NSD1: variants seen among roughly 807,000 people sequenced by gnomAD.
NSD1 encodes the protein histone-lysine N-methyltransferase, H3 lysine-36 specific.
A neutral mutation model predicts 242.7 loss-of-function variants in NSD1; 26 were observed. That is an observed-to-expected ratio of 0.11 (90% confidence interval 0.08 to 0.15). NSD1 has a LOEUF of 0.15. Among genes scored for constraint, NSD1 ranks in the 10% least tolerant of loss-of-function variants. NSD1 has a pLI of 1.00. For synonymous variants in NSD1, 1,106 were observed against 1,178.1 expected (o/e 0.94, Z 1.25); for missense variants, 2,495 against 3,272.8 (o/e 0.76, Z 5.80).
At chr5:177,192,296 T>G (rs1477747313) in intron 3 of NSD1, among the ~76,000 whole-genome samples, 1 of 152,136 alleles carries the variant, frequency 6.6e-6, no homozygotes, top group Non-Finnish European at 1.5e-5. Flanking sequence ...CTGCAACCTC[T>G]GACTTGTGAG....
chr5:177,220,265 T>G (rs1014202538), intron 5 of NSD1, among the ~76,000 whole-genome samples: 1 of 152,208 alleles, frequency 6.6e-6, no homozygotes, highest in Non-Finnish European at 1.5e-5. Context: ...CCTGATGAAT[T>G]GACTGTTTTA....
intron 2 of NSD1, among the ~76,000 whole-genome samples, chr5:177,158,998 T>TTATATATATATATATGAATGAGATA (rs1554173192): frequency 5.7e-5 from 7 of 122,612 alleles, no homozygotes; most frequent in African/African-American, 2.7e-4. Flanking sequence ...ATGAATGATT[T>TTATATATATATATATGAATGAGATA]TATATATATA....
intron 2 of NSD1, among the ~76,000 whole-genome samples, chr5:177,158,431 C>T (rs957319691): frequency 1.3e-5 from 2 of 151,142 alleles, no homozygotes; most frequent in Admixed American, 6.6e-5. Flanking sequence ...CTCCGCCTCT[C>T]GGGTTCAAGC....
intron 4 of NSD1, among the ~76,000 whole-genome samples, chr5:177,207,425 G>GTA (rs1762967169): frequency 6.6e-6 from 1 of 151,240 alleles, no homozygotes; most frequent in Admixed American, 6.6e-5. Flanking sequence ...TGGGACTACA[G>GTA]GTGTCCGCCA....
At chr5:177,203,032 T>G (rs1562195673) in intron 3 of NSD1, among the ~76,000 whole-genome samples, 2 of 152,308 alleles carry the variant, frequency 1.3e-5, no homozygotes, top group African/African-American at 4.8e-5. Flanking sequence ...TTTTCATTTT[T>G]CATTTTGCAT....
At chr5:177,188,013 C>G (rs1388780879) in intron 2 of NSD1, among the ~76,000 whole-genome samples, 1 of 152,168 alleles carries the variant, frequency 6.6e-6, no homozygotes, top group East Asian at 1.9e-4. Flanking sequence ...CTGAAATCTG[C>G]CAGTCCTGCC....
chr5:177,298,792 G>C lies in NSD1; in HGVS notation c.*3333G>C, dbSNP rs933603619. The C allele has an allele frequency of 5.1e-5, 12 of 233,136 alleles. No homozygotes were observed. Among genetic ancestry groups the C allele is most frequent in the Admixed American group, 3.9e-4 (7 of 17,782 alleles). The allele number at this position is 233,136 out of a possible 1,614,324, so 14.4% of individuals were successfully genotyped here. ...ACAGAATGGCAGAAAGTTTAGTCCT[G>C]ACAGATTCCCCCATAGGGAGTAATG... On this transcript the variant is annotated 3_prime_UTR_variant, in exon 23 of 23. Coordinates refer to ENST00000439151, the MANE Select transcript of NSD1 (RefSeq NM_022455.5).
rs1483136818 is a variant in NSD1, at chr5:177,244,187, A to G, written c.4303-8A>G. 25 of 1,601,822 alleles carry G rather than the reference A, an allele frequency of 1.6e-5. No individual in the cohort carries two copies. The highest frequency in any genetic ancestry group is 1.8e-4 in the Middle Eastern group (1 of 5,690). On this transcript the variant is annotated splice_region_variant and splice_polypyrimidine_tract_variant and intron_variant, in intron 8 of 22. Transcript: ENST00000439151. ...TCTGTAAATGGTGTTGTTTTCACTT[A>G]TTTATAGTGCTATGAAGCTGGTCAC...
chr5:177,205,997 T>A (rs1326372296), intron 4 of NSD1, among the ~76,000 whole-genome samples: 2 of 151,786 alleles, frequency 1.3e-5, no homozygotes, highest in Non-Finnish European at 2.9e-5. Flanking sequence ...TAATTTTTAT[T>A]TATTATTATT....
chr5:177,298,208 T>C lies in NSD1; in HGVS notation c.*2749T>C, dbSNP rs1760373399. On this transcript the variant is annotated 3_prime_UTR_variant, in exon 23 of 23. Coordinates refer to ENST00000439151, the MANE Select transcript of NSD1 (RefSeq NM_022455.5). Reference sequence around the variant, plus strand: ...TAATAAGACCCCTTTTCCAAAGGGATGTGAATTGGAGTGAAAAGGAAATCT... The same window carrying C: ...TAATAAGACCCCTTTTCCAAAGGGACGTGAATTGGAGTGAAAAGGAAATCT... 1 of 232,984 alleles carries C rather than the reference T, an allele frequency of 4.3e-6. No homozygotes were observed. The highest frequency in any genetic ancestry group is 2.2e-5 in the African/African-American group (1 of 45,226). The allele number at this position is 232,984 out of a possible 1,614,324, so 14.4% of individuals were successfully genotyped here.
At chr5:177,201,996 G>A (rs979151651) in intron 3 of NSD1, among the ~76,000 whole-genome samples, 1 of 151,854 alleles carries the variant, frequency 6.6e-6, no homozygotes, top group East Asian at 1.9e-4. Context: ...AGGAAATCTC[G>A]TCTTTACTAA....
At chr5:177,277,376 A>G (rs1581518202) in intron 17 of NSD1, among the ~76,000 whole-genome samples, 2 of 152,196 alleles carry the variant, frequency 1.3e-5, no homozygotes, top group Admixed American at 1.3e-4. Flanking sequence ...CTTCATTTAC[A>G]TATTACATAT....
intron 2 of NSD1, among the ~76,000 whole-genome samples, chr5:177,175,844 G>A (rs965757230): frequency 3.3e-5 from 5 of 151,490 alleles, no homozygotes; most frequent in African/African-American, 4.9e-5. Flanking sequence ...AACAAAGCAT[G>A]TTTGTGATAT....
chr5:177,209,731 T>C lies in NSD1; in HGVS notation c.1332T>C (p.Pro444=). The C allele has an allele frequency of 6.2e-7, 1 of 1,614,082 alleles. No homozygotes were observed. Among genetic ancestry groups the C allele is most frequent in the East Asian group, 2.2e-5 (1 of 44,872 alleles). ...PKGSKNRKCI[P]GSIKLDSEED... is the part of the protein sequence containing the mutation. ...GGTCAAAGAACCGAAAATGTATTCCTGGTTCAATCAAGTTGGACAGTGAAG... is the reference window on the plus strand; with the variant it reads ...GGTCAAAGAACCGAAAATGTATTCCCGGTTCAATCAAGTTGGACAGTGAAG... Residue 444 remains proline, a synonymous_variant, in exon 5 of 23, where the codon CCT becomes CCC. Transcript: ENST00000439151.
At chr5:177,218,462 T>G (rs1330127301) in intron 5 of NSD1, among the ~76,000 whole-genome samples, 4 of 152,144 alleles carry the variant, frequency 2.6e-5, no homozygotes, top group South Asian at 2.1e-4. Context: ...GTAGTTTTTT[T>G]GGGGTCCTTT....
intron 5 of NSD1, among the ~76,000 whole-genome samples, chr5:177,233,889 T>G (rs1765249868): frequency 6.6e-6 from 1 of 152,164 alleles, no homozygotes; most frequent in Non-Finnish European, 1.5e-5. Context: ...ATCCCTAGAT[T>G]GATGAAGAGT....
At chr5:177,200,556 A>G (rs1304881816) in intron 3 of NSD1, among the ~76,000 whole-genome samples, 5 of 152,088 alleles carry the variant, frequency 3.3e-5, no homozygotes, top group African/African-American at 7.2e-5. Flanking sequence ...CTCTGTACCC[A>G]TTTACCAACA....
In NSD1 at chr5:177,296,997, C is replaced by G; in HGVS notation, c.*1538C>G. 1 of 233,290 alleles carries G rather than the reference C, an allele frequency of 4.3e-6. No homozygotes were observed. Among genetic ancestry groups the G allele is most frequent in the East Asian group, 6.0e-5 (1 of 16,594 alleles). The allele number at this position is 233,290 out of a possible 1,614,324, so 14.5% of individuals were successfully genotyped here. On this transcript the variant is annotated 3_prime_UTR_variant, in exon 23 of 23. Transcript: ENST00000439151. ...CTCTCAATAGGATTCTGTATTTGGT[C>G]CCAATTTCCTCAAGTTCTTATTGAG...
At position 177,295,110 on chromosome 5, in the gene NSD1, A is replaced by G. The variant is rs398124387; in HGVS notation, c.7742A>G (p.Lys2581Arg). ...SQSPGLVKQA[K>R]QMVGGQQLPA... ...TCCCCGGGCCTGGTGAAGCAGGCGAAGCAGATGGTCGGAGGCCAGCAACTA... is the reference window on the plus strand; with the variant it reads ...TCCCCGGGCCTGGTGAAGCAGGCGAGGCAGATGGTCGGAGGCCAGCAACTA... Residue 2581 changes from lysine to arginine, a missense_variant, in exon 23 of 23, where the codon AAG becomes AGG. Physicochemically the swap from Lys to Arg is conservative, Grantham distance 26. Transcript: ENST00000439151. This position sits in a 1 kb window ranked among gnomAD's most constrained non-coding sequence, Gnocchi z 4.3. 7 of 1,612,522 alleles carry G rather than the reference A, an allele frequency of 4.3e-6. No individual in the cohort carries two copies. The highest frequency in any genetic ancestry group is 5.9e-6 in the Non-Finnish European group (7 of 1,178,986).
Sources: allele counts gnomAD v4.1 joint callset (sites outside exome capture counted in the v4.1 genomes callset), GRCh38; gene constraint gnomAD v4.1.1; non-coding constraint Gnocchi (gnomAD v3.1); transcripts MANE v1.5; gene names NCBI Gene and HGNC (gene_info 2026-07-23, HGNC 2026-07-21).